Variants in PVR observed in about 807,000 individuals in gnomAD.
PVR encodes the protein poliovirus receptor.
Under a neutral mutation model 43.3 loss-of-function variants are expected in PVR, and 39 were observed. The observed-to-expected ratio is 0.90, with a 90% CI of 0.70 to 1.18. The LOEUF (loss-of-function observed/expected upper bound fraction) is 1.18, where lower values mean the gene tolerates loss of function less well. Among genes scored for constraint, PVR ranks in the 50% most tolerant of loss-of-function variants. The probability of loss-of-function intolerance (pLI) is 0.00; values close to 1 mark genes in which losing one functional copy is unlikely to be tolerated. For missense variants in PVR, 480 were observed against 549.7 expected (o/e 0.87, Z 1.27); for synonymous variants, 224 against 233.2 (o/e 0.96, Z 0.36).
chr19:44,659,864 C>A (rs1275187953), intron 6 of PVR, among the ~76,000 whole-genome samples: 2 of 152,192 alleles, frequency 1.3e-5, no homozygotes, highest in African/African-American at 4.8e-5. Flanking sequence ...GAAGTATTTG[C>A]TTTGAGAGAT....
rs1371592215 is a variant in PVR at position 44,645,083 on chromosome 19, TA to T, written c.79+910del. 1.3e-4 allele frequency among the ~76,000 whole-genome samples: 13 copies of T among 96,366 alleles called. No individual in the cohort carries two copies. In the Admixed American group the frequency reaches 1.7e-3, roughly 12 times the overall value. The allele number at this position is 96,366 out of a possible 152,430, so 63.2% of individuals were successfully genotyped here. ...ATATATTATAGTAATATATAATATA[TA>T]ATAAAATATATAATATATATTATAG... is the stretch of plus-strand genomic sequence containing the variant. On this transcript the variant is annotated intron_variant, in intron 1 of 7. Transcript: ENST00000425690.
Position 44,659,465 on chromosome 19 carries a change from A to T in PVR, c.1150+565A>T, listed in dbSNP as rs1397088959. The stretch of plus-strand genomic sequence containing the variant: ...ATAACCCCCTCGATTTTAATTTTTA[A>T]TTTTTTTTATTATTTATGTATTTAT... On this transcript the variant is annotated intron_variant, in intron 6 of 7. Transcript: ENST00000425690. Among the ~76,000 whole-genome samples, 6 of 151,890 alleles carry T rather than the reference A, an allele frequency of 4.0e-5. No individual in the cohort carries two copies. In the East Asian group the frequency reaches 7.7e-4, roughly 20 times the overall value.
intron 2 of PVR, among the ~76,000 whole-genome samples, chr19:44,649,245 C>G (rs1158048159): frequency 2.0e-5 from 3 of 152,080 alleles, no homozygotes; most frequent in Non-Finnish European, 4.4e-5. Flanking sequence ...GCACTTTCCA[C>G]CAAACAATAT....
Position 44,664,733 on chromosome 19 carries a change from A to C in PVR, c.*2922A>C, listed in dbSNP as rs1254253022. 6.7e-6 allele frequency: 1 copy of C among 149,736 alleles called. No individual in the cohort carries two copies. The highest frequency in any genetic ancestry group is 2.5e-5 in the African/African-American group (1 of 40,462). The allele number at this position is 149,736 out of a possible 1,614,324, so 9.3% of individuals were successfully genotyped here. On this transcript the variant is annotated 3_prime_UTR_variant, in exon 8 of 8. Coordinates refer to ENST00000425690, the MANE Select transcript of PVR (RefSeq NM_006505.5). ...TTACTTTTTTTTTTTTTTATTTTAG[A>C]GAAAGGAATCTTGCCATCTTGCCCA...
chr19:44,661,258 T>C (rs947169041), intron 6 of PVR, 34 bp from the exon 7 acceptor site: 1 of 1,601,516 alleles, frequency 6.2e-7, no homozygotes, highest in Admixed American at 1.7e-5. Context: ...CCAGCATTAT[T>C]CCTTCCTGAC....
rs1013541174 is a variant in PVR at position 44,662,960 on chromosome 19, G to A, written c.*1149G>A. On this transcript the variant is annotated 3_prime_UTR_variant, in exon 8 of 8. Transcript: ENST00000425690. ...AGAGAAAACTACTAGATGTGAACTT[G>A]AAGAAGGTTGTCAGCTGCAGCCACT... 6.6e-6 allele frequency: 1 copy of A among 152,188 alleles called. No homozygotes were observed. Among genetic ancestry groups the A allele is most frequent in the African/African-American group, 2.4e-5 (1 of 41,434 alleles). The allele number at this position is 152,188 out of a possible 1,614,324, so 9.4% of individuals were successfully genotyped here.
chr19:44,661,402 C>G (rs1420058617), intron 7 of PVR, 79 bp downstream of exon 7: 15 of 1,469,332 alleles, frequency 1.0e-5, no homozygotes, highest in Non-Finnish European at 1.3e-5. Flanking sequence ...GCCCACGGCC[C>G]GGCCTCAGGA....
At chr19:44,653,856 C>A (rs368105509) in intron 3 of PVR, 44 bp from the exon 4 acceptor site, 10 of 1,418,240 alleles carry the variant, frequency 7.1e-6, no homozygotes, top group Non-Finnish European at 1.0e-5. Flanking sequence ...CCCAGGCCCC[C>A]CAAAGCCTCC....
intron 6 of PVR, chr19:44,659,238 C>A (rs1045780250): frequency 4.5e-6 from 1 of 220,876 alleles, no homozygotes; most frequent in Non-Finnish European, 8.8e-6. Context: ...GGAGTGACTC[C>A]TAGGAGGAGG....
intron 1 of PVR, among the ~76,000 whole-genome samples, chr19:44,644,991 A>AT (rs1268660123): frequency 2.4e-5 from 3 of 123,258 alleles, no homozygotes; most frequent in Non-Finnish European, 4.8e-5. Context: ...TACATATTAT[A>AT]GTAATATATA....
intron 2 of PVR, among the ~76,000 whole-genome samples, chr19:44,648,076 T>G (rs931836192): frequency 2.0e-5 from 3 of 152,178 alleles, no homozygotes; most frequent in Non-Finnish European, 4.4e-5. Flanking sequence ...CCCAGCACTT[T>G]CCACCAAACA....
chr19:44,653,973 C>A lies in PVR; in HGVS notation c.798C>A (p.Cys266Ter), dbSNP rs1444798157. The change falls in exon 4 of 8, where the codon TGC (cysteine) becomes TGA (stop). Residue 266 changes from cysteine (C) to a stop codon, truncating the protein, a stop_gained. Coordinates refer to ENST00000425690, the MANE Select transcript of PVR (RefSeq NM_006505.5). LOFTEE classifies it high-confidence loss of function. ...YLGQNEATLTCDARSNPEPTG... is the reference protein window; with the variant it reads ...YLGQNEATLT ...GCCAGAATGAGGCCACCCTGACCTG[C>A]GATGCTCGCAGCAACCCAGAGCCCA... 1 of 1,614,132 alleles carries A rather than the reference C, an allele frequency of 6.2e-7. No individual in the cohort carries two copies. Among genetic ancestry groups the A allele is most frequent in the Non-Finnish European group, 8.5e-7 (1 of 1,179,996 alleles).
chr19:44,661,914 A>G lies in PVR; in HGVS notation c.*103A>G. 9.0e-7 allele frequency: 1 copy of G among 1,107,818 alleles called. No individual in the cohort carries two copies. The highest frequency in any genetic ancestry group is 1.3e-6 in the Non-Finnish European group (1 of 746,078). 68.6% of individuals were successfully genotyped at this position (1,107,818 alleles called of 1,614,324 possible). A position where few individuals can be genotyped will look rare whatever the true frequency, so the allele number is the denominator to read the frequency against. Reference sequence around the variant, plus strand: ...GATGAAGACCCCCTCCAAAGAGACCAGCCTCCCTCCCTGTGCCAGACCTCA... The same window carrying G: ...GATGAAGACCCCCTCCAAAGAGACCGGCCTCCCTCCCTGTGCCAGACCTCA... On this transcript the variant is annotated 3_prime_UTR_variant, in exon 8 of 8. Transcript: ENST00000425690.
intron 6 of PVR, among the ~76,000 whole-genome samples, chr19:44,660,767 G>A (rs1052018122): frequency 2.0e-5 from 3 of 151,644 alleles, no homozygotes; most frequent in Admixed American, 6.6e-5. Context: ...CCAGCAATCC[G>A]CCCACCTCAG....
Position 44,650,254 on chromosome 19 carries a change from C to G in PVR, c.724+149C>G, listed in dbSNP as rs1357799257. On this transcript the variant is annotated intron_variant, in intron 3 of 7. Transcript: ENST00000425690. ...TGTCTACACGACCCACCCCCATTGT[C>G]TGCACCAGCTCCCCTGGGCCGTAAA... The G allele has an allele frequency of 1.2e-5, 8 of 692,352 alleles. No individual in the cohort carries two copies. The Admixed American group carries it at 1.3e-4, about 12-fold the overall frequency. 42.9% of individuals were successfully genotyped at this position (692,352 alleles called of 1,614,324 possible).
chr19:44,648,673 T>C (rs1444178212), intron 2 of PVR, among the ~76,000 whole-genome samples: 2 of 152,046 alleles, frequency 1.3e-5, no homozygotes, highest in African/African-American at 2.4e-5. Context: ...TGTTTTGTTT[T>C]GTTTTCTTTT....
Position 44,662,230 on chromosome 19 carries a change from G to C in PVR, c.*419G>C. 1 of 188,652 alleles carries C rather than the reference G, an allele frequency of 5.3e-6. No homozygotes were observed. 11.7% of individuals were successfully genotyped at this position (188,652 alleles called of 1,614,324 possible). ...AGTACTGCCAATACTGCCAACCAGAGCAGCTCACTCGAGATCTTTGTGTCC... is the reference window on the plus strand; with the variant it reads ...AGTACTGCCAATACTGCCAACCAGACCAGCTCACTCGAGATCTTTGTGTCC... On this transcript the variant is annotated 3_prime_UTR_variant, in exon 8 of 8. Coordinates refer to ENST00000425690, the MANE Select transcript of PVR (RefSeq NM_006505.5).
At chr19:44,648,694 T>C (rs1403483360) in intron 2 of PVR, among the ~76,000 whole-genome samples, 2 of 150,522 alleles carry the variant, frequency 1.3e-5, no homozygotes, top group East Asian at 3.9e-4. Context: ...CTTTTTAAGC[T>C]TATGTGCCAA....
Position 44,650,004 on chromosome 19 carries a change from T to TG in PVR, c.625dup (p.Val209GlyfsTer21), listed in dbSNP as rs1163664311. On this transcript the variant is annotated frameshift_variant, in exon 3 of 8. Transcript: ENST00000425690. LOFTEE classifies it high-confidence loss of function. ...GTCACTGTCACCAGCCTCTGGATATTGGTGCCCTCAAGCCAGGTGGACGGC... is the reference window on the plus strand; with the variant it reads ...GTCACTGTCACCAGCCTCTGGATATTGGGTGCCCTCAAGCCAGGTGGACGGC... 1.2e-6 allele frequency: 2 copies of TG among 1,606,368 alleles called. No individual in the cohort carries two copies. Among genetic ancestry groups the TG allele is most frequent in the Non-Finnish European group, 8.5e-7 (1 of 1,175,484 alleles).
Sources: allele counts gnomAD v4.1 joint callset (sites outside exome capture counted in the v4.1 genomes callset), GRCh38; gene constraint gnomAD v4.1.1; transcripts MANE v1.5; gene names NCBI Gene and HGNC (gene_info 2026-07-23, HGNC 2026-07-21).